KLHL13: variants seen among roughly 807,000 people sequenced by gnomAD.
The protein encoded by KLHL13 is kelch-like protein 13.
Under a neutral mutation model 37.1 loss-of-function variants are expected in KLHL13, and 10 were observed. That is an observed-to-expected ratio of 0.27 (90% confidence interval 0.17 to 0.46). The LOEUF is 0.46. KLHL13 is among the 20% of genes least tolerant of loss of function. The pLI is 1.00. For missense variants in KLHL13, 360 were observed against 509.3 expected, an observed-to-expected ratio of 0.71 and a Z score of 2.82; for synonymous variants, 163 against 181.2, an observed-to-expected ratio of 0.90 and a Z score of 0.81.
chrX:118,021,237 C>G (rs1322893420), intron 1 of KLHL13, among the ~76,000 whole-genome samples: 1 of 107,334 alleles, frequency 9.3e-6, no homozygotes, highest in Non-Finnish European at 1.9e-5. Flanking sequence ...ATGGCATTAT[C>G]TCCTTTTTTT....
At chrX:117,948,380 G>A (rs1218379425) in intron 1 of KLHL13, among the ~76,000 whole-genome samples, 1 of 111,770 alleles carries the variant, frequency 8.9e-6, no homozygotes, top group Non-Finnish European at 1.9e-5. Flanking sequence ...GCTCTCCACA[G>A]GCCCATCAAT....
chrX:117,999,341 C>A (rs1289002066), intron 1 of KLHL13, among the ~76,000 whole-genome samples: 1 of 111,403 alleles, frequency 9.0e-6, no homozygotes, highest in African/African-American at 3.3e-5. Flanking sequence ...GGTACATATA[C>A]ACCATGGAAT....
rs757001763 is a variant in KLHL13 at position 117,908,668 on chromosome X, G to C, written c.1366+633C>G. Among the ~76,000 whole-genome samples, 3 of 111,400 alleles carry C rather than the reference G, an allele frequency of 2.7e-5. No individual in the cohort carries two copies. In the South Asian group the frequency reaches 1.1e-3, roughly 42 times the overall value. ...GTACATTTATGACCAATTTTATACT[G>C]GGAAGACAAAAAGGTGACCATCAAA... On this transcript the variant is annotated intron_variant, in intron 5 of 6. Coordinates refer to ENST00000262820, the Ensembl canonical transcript of KLHL13.
At chrX:117,999,227 T>A (rs888793643) in intron 1 of KLHL13, among the ~76,000 whole-genome samples, 1 of 111,918 alleles carries the variant, frequency 8.9e-6, no homozygotes, top group Non-Finnish European at 1.9e-5. Context: ...CATGCTGCTA[T>A]AAAGACGCAT....
At chrX:118,082,678 A>G (rs2055009553) in intron 1 of KLHL13, among the ~76,000 whole-genome samples, 1 of 111,777 alleles carries the variant, frequency 8.9e-6, no homozygotes. Flanking sequence ...TTCTTTCCCC[A>G]AAGAATTTCA....
intron 1 of KLHL13, among the ~76,000 whole-genome samples, chrX:118,108,493 C>A (rs1372485018): frequency 8.9e-6 from 1 of 112,482 alleles, no homozygotes; most frequent in Admixed American, 9.4e-5. Flanking sequence ...CACGTTGTAA[C>A]AGGCATTCCT....
At chrX:117,932,691 T>C (rs1207902476) in intron 2 of KLHL13, among the ~76,000 whole-genome samples, 2 of 112,229 alleles carry the variant, frequency 1.8e-5, no homozygotes, top group Non-Finnish European at 3.8e-5. Context: ...AATGTGCCAA[T>C]GTCTCTCCAA....
chrX:117,995,707 G>A (rs939706414), intron 1 of KLHL13, among the ~76,000 whole-genome samples: 2 of 111,306 alleles, frequency 1.8e-5, no homozygotes, highest in Non-Finnish European at 3.8e-5. Flanking sequence ...CTGTCACTAT[G>A]GATTTATCTA....
chrX:117,992,198 G>A (rs901283035), intron 1 of KLHL13, among the ~76,000 whole-genome samples: 6 of 103,071 alleles, frequency 5.8e-5, no homozygotes, highest in African/African-American at 1.1e-4. Flanking sequence ...GGTGCCTTGA[G>A]GGATAGAGAA....
intron 1 of KLHL13, among the ~76,000 whole-genome samples, chrX:117,999,233 C>T (rs972018964): frequency 8.9e-6 from 1 of 111,787 alleles, no homozygotes; most frequent in African/African-American, 3.3e-5. Flanking sequence ...GCTATAAAGA[C>T]GCATGCACAC....
chrX:117,920,170 A>C (rs1931610865), intron 3 of KLHL13, 68 bp downstream of exon 4: 1 of 1,087,246 alleles, frequency 9.2e-7, no homozygotes, highest in African/African-American at 1.9e-5. Context: ...GTTAGAAATA[A>C]AAAAGATTTA....
intron 1 of KLHL13, among the ~76,000 whole-genome samples, chrX:118,008,326 T>C (rs945008517): frequency 5.3e-5 from 6 of 112,255 alleles, no homozygotes; most frequent in Admixed American, 1.9e-4. Context: ...AACTCATTAA[T>C]AGTACTTAAC....
At chrX:117,997,240 G>GAA (rs775368890) in intron 1 of KLHL13, among the ~76,000 whole-genome samples, 16 of 100,473 alleles carry the variant, frequency 1.6e-4, no homozygotes, top group African/African-American at 4.7e-4. Context: ...CTCTCTTATG[G>GAA]AAAAAAAAAA....
intron 4 of KLHL13, among the ~76,000 whole-genome samples, chrX:117,912,052 G>C (rs922589856): frequency 9.0e-6 from 1 of 111,577 alleles, no homozygotes; most frequent in African/African-American, 3.3e-5. Flanking sequence ...AGGAGCTGCA[G>C]GTCGGTGGTT....
Position 118,092,046 on chromosome X carries a change from T to G in KLHL13, c.-56+24462A>C, listed in dbSNP as rs192217409. Among the ~76,000 whole-genome samples, 124 of 111,604 alleles carry G rather than the reference T, an allele frequency of 1.1e-3. 1 individual carries two copies. The highest frequency in any genetic ancestry group is 3.9e-3 in the African/African-American group (121 of 30,780). ...GGCATAAGAATGATACATTAGACTT[T>G]GGACACTCAGGAGAAAGGGATGGGG... On this transcript the variant is annotated intron_variant, in intron 1 of 6. Coordinates refer to the KLHL13 transcript ENST00000371882.
At chrX:117,986,298 T>A (rs908958287) in intron 1 of KLHL13, among the ~76,000 whole-genome samples, 1 of 111,708 alleles carries the variant, frequency 9.0e-6, no homozygotes, top group African/African-American at 3.3e-5. Context: ...AAGAAACATG[T>A]GAAGGAATAC....
At chrX:118,110,377 C>CTTTT (rs1054663520) in intron 1 of KLHL13, among the ~76,000 whole-genome samples, 3 of 82,526 alleles carry the variant, frequency 3.6e-5, no homozygotes, top group Admixed American at 2.8e-4. Flanking sequence ...ATTTCTTTTT[C>CTTTT]TTTTTTTTTT....
chrX:117,919,482 A>T (rs1184227965), intron 4 of KLHL13, 39 bp downstream of exon 5: 28 of 1,065,902 alleles, frequency 2.6e-5, no homozygotes, highest in Non-Finnish European at 3.6e-5. Context: ...GCTACATCAG[A>T]GTCTACCACA....
At chrX:117,899,424 T>C (rs747220040) in intron 6 of KLHL13, 29 bp from the exon 8 acceptor site, 6 of 1,126,620 alleles carry the variant, frequency 5.3e-6, no homozygotes, top group Non-Finnish European at 7.1e-6. Context: ...AGTTTTGAAG[T>C]AAATAATTAT....
Sources: allele counts gnomAD v4.1 joint callset (sites outside exome capture counted in the v4.1 genomes callset), GRCh38; gene constraint gnomAD v4.1.1; transcripts MANE v1.5; gene names NCBI Gene and HGNC (gene_info 2026-07-23, HGNC 2026-07-21).